The following MTFR1 variants were observed in gnomAD, a reference collection of about 807,000 sequenced individuals.
The protein encoded by MTFR1 is chondrocyte protein with a poly-proline region.
In MTFR1, 28 loss-of-function variants were observed where a neutral mutation model predicts 38.8. The observed-to-expected ratio is 0.72, with a 90% CI of 0.53 to 0.99. MTFR1 has a LOEUF of 0.99. Among genes scored for constraint, MTFR1 ranks in the 50% least tolerant of loss-of-function variants. The pLI is 0.00. For synonymous variants in MTFR1, 145 were observed against 137.0 expected, an observed-to-expected ratio of 1.06 and a Z score of -0.41; for missense variants, 358 against 395.5, an observed-to-expected ratio of 0.91 and a Z score of 0.81.
At chr8:65,644,608 C>A (rs72666512), upstream of MTFR1, 24,417 of 152,236 alleles carry the variant, frequency 0.16, 2,029 homozygotes, top group Middle Eastern at 0.18. Context: ...GCTTGCGGAG[C>A]GGTTGCCGCG....
At chr8:65,750,038 G>A (rs377461078) in intron 3 of MTFR1, among the ~76,000 whole-genome samples, 5 of 147,066 alleles carry the variant, frequency 3.4e-5, no homozygotes, top group Non-Finnish European at 6.0e-5. Context: ...ATATGTGGGG[G>A]AGGAGATAAG....
intron 3 of MTFR1, among the ~76,000 whole-genome samples, chr8:65,758,797 G>A (rs753753600): frequency 3.9e-4 from 60 of 152,254 alleles, no homozygotes; most frequent in Middle Eastern, 3.4e-3. Flanking sequence ...GGCACTCTAA[G>A]CATTTGCATC....
chr8:65,693,010 C>A (rs776806329), intron 3 of MTFR1, among the ~76,000 whole-genome samples: 2 of 151,526 alleles, frequency 1.3e-5, no homozygotes, highest in South Asian at 4.2e-4. Flanking sequence ...TCTTATACCC[C>A]CCGCCTACAC....
At chr8:65,731,010 T>C (rs1806862591) in intron 3 of MTFR1, among the ~76,000 whole-genome samples, 2 of 152,206 alleles carry the variant, frequency 1.3e-5, no homozygotes, top group Admixed American at 6.5e-5. Flanking sequence ...TACAATATCA[T>C]TCATTAACAG....
At chr8:65,683,123 T>C (rs1394904772) in intron 3 of MTFR1, among the ~76,000 whole-genome samples, 1 of 148,712 alleles carries the variant, frequency 6.7e-6, no homozygotes, top group Non-Finnish European at 1.5e-5. Context: ...TACTTTTGTT[T>C]CTTTCTTTCT....
chr8:65,757,640 A>C (rs1808299028), intron 3 of MTFR1, among the ~76,000 whole-genome samples: 1 of 152,054 alleles, frequency 6.6e-6, no homozygotes. Flanking sequence ...GTTTTTTAAG[A>C]CTGAGTCTCG....
At chr8:65,738,658 C>T (rs1463271245) in intron 3 of MTFR1, among the ~76,000 whole-genome samples, 5 of 152,074 alleles carry the variant, frequency 3.3e-5, no homozygotes, top group Non-Finnish European at 7.4e-5. Context: ...GTCTCCAACT[C>T]GTGGCCTCAC....
At chr8:65,673,400 A>ATATAATTATGCATAAGATATAATT (rs1804621070) in intron 2 of MTFR1, among the ~76,000 whole-genome samples, 1 of 150,276 alleles carries the variant, frequency 6.7e-6, no homozygotes, top group South Asian at 2.1e-4. Flanking sequence ...ATATAATAAG[A>ATATAATTATGCATAAGATATAATT]ATGCATAAGT....
chr8:65,734,760 T>A (rs1448534176), intron 3 of MTFR1: 1 of 1,206,296 alleles, frequency 8.3e-7, no homozygotes, highest in African/African-American at 1.5e-5. Context: ...AATTTTCTTA[T>A]GATTTTCACC....
At chr8:65,693,141 G>T (rs574023575) in intron 3 of MTFR1, among the ~76,000 whole-genome samples, 8 of 152,038 alleles carry the variant, frequency 5.3e-5, no homozygotes, top group Non-Finnish European at 8.8e-5. Flanking sequence ...AGTGGCTCAC[G>T]TCTGTAATCC....
At chr8:65,747,760 T>G in intron 3 of MTFR1, 1 of 1,610,428 alleles carries the variant, frequency 6.2e-7, no homozygotes, top group Non-Finnish European at 8.5e-7. Context: ...TTAGTAGCCT[T>G]CTGATATTCC....
exon 3 of MTFR1, chr8:65,719,381 C>G (rs1191890345): frequency 9.9e-6 from 16 of 1,613,942 alleles, no homozygotes; most frequent in African/African-American, 2.7e-5. Context: ...TCTCTGCAGT[C>G]CCTTCCAGCT....
intron 3 of MTFR1, among the ~76,000 whole-genome samples, chr8:65,735,945 A>G (rs1232697664): frequency 3.3e-5 from 5 of 152,062 alleles, no homozygotes; most frequent in Non-Finnish European, 5.9e-5. Flanking sequence ...TATAATTTAT[A>G]TTTTTAGTAT....
intron 4 of MTFR1, among the ~76,000 whole-genome samples, chr8:65,699,211 A>G (rs1000033505): frequency 1.3e-5 from 2 of 152,128 alleles, no homozygotes; most frequent in African/African-American, 4.8e-5. Context: ...CATGGTGTCT[A>G]TCTACCACAT....
chr8:65,741,184 C>T (rs995344466), intron 3 of MTFR1, among the ~76,000 whole-genome samples: 13 of 152,228 alleles, frequency 8.5e-5, no homozygotes, highest in African/African-American at 2.9e-4. Context: ...AAATAGACCA[C>T]GTTTTAAATA....
intron 2 of MTFR1, among the ~76,000 whole-genome samples, chr8:65,680,103 A>C (rs1044629898): frequency 7.1e-6 from 1 of 140,208 alleles, no homozygotes; most frequent in African/African-American, 2.7e-5. Context: ...TATGAAAGCT[A>C]TGGCAGGTGC....
At chr8:65,713,704 G>C (rs1428092041), downstream of MTFR1, among the ~76,000 whole-genome samples, 3 of 152,004 alleles carry the variant, frequency 2.0e-5, no homozygotes, top group Admixed American at 1.3e-4. Context: ...ACTATTTTTT[G>C]AAACAGTCTT....
downstream of MTFR1, among the ~76,000 whole-genome samples, chr8:65,711,975 T>C (rs1175475016): frequency 6.6e-6 from 1 of 152,128 alleles, no homozygotes; most frequent in Non-Finnish European, 1.5e-5. Context: ...TACCAAATGG[T>C]TATCCCAGGG....
intron 1 of MTFR1, among the ~76,000 whole-genome samples, chr8:65,660,323 C>T (rs890021101): frequency 1.5e-5 from 2 of 133,742 alleles, no homozygotes; most frequent in African/African-American, 5.4e-5. Context: ...AAAAAAAAAA[C>T]CCATCTGTGG....
Sources: allele counts gnomAD v4.1 joint callset (sites outside exome capture counted in the v4.1 genomes callset), GRCh38; gene constraint gnomAD v4.1.1; transcripts MANE v1.5; gene names NCBI Gene and HGNC (gene_info 2026-07-23, HGNC 2026-07-21).